The following ZFAND3 variants were observed in gnomAD, a reference collection of about 807,000 sequenced individuals.
ZFAND3 encodes AN1-type zinc finger protein 3.
A neutral mutation model predicts 29.6 loss-of-function variants in ZFAND3; 10 were observed. That is an observed-to-expected ratio of 0.34 (90% CI 0.21 to 0.57). The LOEUF is 0.57. Ranked by LOEUF, ZFAND3 falls within the 20% of genes least tolerant of loss-of-function variation. The pLI is 0.86. For missense variants in ZFAND3, 230 were observed against 304.5 expected (o/e 0.76, Z 1.82); for synonymous variants, 128 against 112.6 (o/e 1.14, Z -0.87).
At chr6:37,823,801 T>TTG (rs1240028507) in intron 1 of ZFAND3, among the ~76,000 whole-genome samples, 35 of 150,162 alleles carry the variant, frequency 2.3e-4, no homozygotes, top group East Asian at 1.4e-3. Flanking sequence ...TATTTTTTTT[T>TTG]GGGGGGGGGT....
At chr6:37,982,628 A>G (rs576729989) in intron 2 of ZFAND3, among the ~76,000 whole-genome samples, 17 of 152,228 alleles carry the variant, frequency 1.1e-4, no homozygotes, top group Admixed American at 2.6e-4. Flanking sequence ...CCAGTTGTAT[A>G]AAAGTATAGC....
chr6:37,928,000 C>T (rs147354287), intron 1 of ZFAND3, among the ~76,000 whole-genome samples: 2 of 152,306 alleles, frequency 1.3e-5, no homozygotes, highest in Non-Finnish European at 2.9e-5. Flanking sequence ...ACATTATAGG[C>T]ATGTAATAAA....
intron 5 of ZFAND3, among the ~76,000 whole-genome samples, chr6:38,144,227 A>ATTTTTTTT (rs1766051946): frequency 2.5e-5 from 2 of 80,136 alleles, no homozygotes; most frequent in East Asian, 7.2e-4. Context: ...TAATATATAT[A>ATTTTTTTT]TATATTTTTT....
At chr6:38,038,619 C>G (rs1561975461) in intron 2 of ZFAND3, among the ~76,000 whole-genome samples, 1 of 152,086 alleles carries the variant, frequency 6.6e-6, no homozygotes, top group East Asian at 1.9e-4. Flanking sequence ...GTCGTTTCCC[C>G]CCCGCTTTGG....
At chr6:37,912,167 A>G (rs1424538726) in intron 1 of ZFAND3, among the ~76,000 whole-genome samples, 1 of 151,786 alleles carries the variant, frequency 6.6e-6, no homozygotes, top group Non-Finnish European at 1.5e-5. Flanking sequence ...GAGAACAATT[A>G]CCTGTGGCTC....
intron 1 of ZFAND3, among the ~76,000 whole-genome samples, chr6:37,919,533 C>G (rs960771744): frequency 6.6e-6 from 1 of 151,654 alleles, no homozygotes; most frequent in African/African-American, 2.4e-5. Flanking sequence ...TTTTAGCCTC[C>G]AAGTTGTTTG....
intron 2 of ZFAND3, among the ~76,000 whole-genome samples, chr6:37,978,810 G>A (rs912872673): frequency 6.6e-6 from 1 of 152,080 alleles, no homozygotes; most frequent in East Asian, 1.9e-4. Flanking sequence ...GATTACAGGC[G>A]CCGGCCACCA....
intron 2 of ZFAND3, among the ~76,000 whole-genome samples, chr6:38,029,839 T>C (rs1763517334): frequency 6.6e-6 from 1 of 152,108 alleles, no homozygotes; most frequent in Non-Finnish European, 1.5e-5. Context: ...GCATATGCTT[T>C]AAACACACAA....
At chr6:37,941,137 T>C (rs1337313168) in intron 2 of ZFAND3, among the ~76,000 whole-genome samples, 4 of 152,238 alleles carry the variant, frequency 2.6e-5, no homozygotes, top group South Asian at 4.1e-4. Context: ...ATGGGTTAAC[T>C]CATGTTCCCA....
chr6:38,154,279 C>T lies in ZFAND3; in HGVS notation c.*1890C>T. ...GGCCCTCCCCAGGGCCCCCCGCCCC[C>T]TCCTCTGCCTGCTGCGTGGAGGCAG... On this transcript the variant is annotated 3_prime_UTR_variant, in exon 6 of 6. Transcript: ENST00000287218. The T allele has an allele frequency of 1.0e-6, 1 of 985,520 alleles. No individual in the cohort carries two copies. Among genetic ancestry groups the T allele is most frequent in the Non-Finnish European group, 1.2e-6 (1 of 829,982 alleles). 61.0% of individuals were successfully genotyped at this position (985,520 alleles called of 1,614,324 possible).
chr6:37,999,458 A>G (rs1762907416), intron 2 of ZFAND3, among the ~76,000 whole-genome samples: 1 of 152,168 alleles, frequency 6.6e-6, no homozygotes, highest in South Asian at 2.1e-4. Context: ...AAGTAACTTT[A>G]ATGGAGAAAC....
At chr6:38,129,010 G>T (rs558492534) in intron 5 of ZFAND3, among the ~76,000 whole-genome samples, 12 of 152,218 alleles carry the variant, frequency 7.9e-5, no homozygotes, top group East Asian at 1.9e-4. Flanking sequence ...TTGATTTTTT[G>T]ATTATGATCA....
intron 5 of ZFAND3, among the ~76,000 whole-genome samples, chr6:38,139,880 C>G (rs1315922731): frequency 6.6e-6 from 1 of 152,144 alleles, no homozygotes; most frequent in Non-Finnish European, 1.5e-5. Context: ...GAGGCTATTG[C>G]AGTAGCCCTG....
intron 1 of ZFAND3, among the ~76,000 whole-genome samples, chr6:37,925,478 G>A (rs1435136318): frequency 6.6e-6 from 1 of 152,138 alleles, no homozygotes; most frequent in East Asian, 1.9e-4. Flanking sequence ...CGAGGTGGGC[G>A]GATCACCTGA....
At chr6:37,877,595 G>C (rs888435640) in intron 1 of ZFAND3, among the ~76,000 whole-genome samples, 2 of 152,214 alleles carry the variant, frequency 1.3e-5, no homozygotes, top group African/African-American at 2.4e-5. Flanking sequence ...GAGCAATCCA[G>C]TGGATGATGG....
intron 2 of ZFAND3, among the ~76,000 whole-genome samples, chr6:37,939,100 C>A (rs1979759): frequency 0.28 from 42,479 of 152,052 alleles, 6,628 homozygotes; most frequent in East Asian, 0.57. Context: ...TATACATAAT[C>A]TCATTGGTAT....
At chr6:38,128,497 C>T (rs974368365) in intron 5 of ZFAND3, among the ~76,000 whole-genome samples, 1 of 152,176 alleles carries the variant, frequency 6.6e-6, no homozygotes, top group South Asian at 2.1e-4. Flanking sequence ...CCACCCTTTC[C>T]CCCTGAGTCT....
intron 1 of ZFAND3, among the ~76,000 whole-genome samples, chr6:37,859,289 C>A (rs947887338): frequency 6.6e-6 from 1 of 152,160 alleles, no homozygotes; most frequent in Non-Finnish European, 1.5e-5. Context: ...CTATCCATCT[C>A]ATTGATTCTT....
intron 1 of ZFAND3, among the ~76,000 whole-genome samples, chr6:37,855,545 A>C (rs1764366473): frequency 2.0e-5 from 3 of 152,150 alleles, no homozygotes; most frequent in African/African-American, 7.2e-5. Context: ...TCTTTGACAG[A>C]GGTTTGAACC....
Sources: gnomAD v4.1 joint callset for allele counts (sites outside exome capture counted in the v4.1 genomes callset) on GRCh38, gnomAD v4.1.1 for gene constraint, MANE v1.5 for transcripts, NCBI Gene and HGNC (gene_info 2026-07-23, HGNC 2026-07-21) for gene names.